Variants in UBE3A observed in about 807,000 individuals in gnomAD.
The protein encoded by UBE3A is ubiquitin-protein ligase E3A.
A neutral mutation model predicts 83.4 loss-of-function variants in UBE3A; 6 were observed. The ratio of observed to expected loss-of-function variants is 0.07; its 90% confidence interval spans 0.04 to 0.14. The LOEUF (loss-of-function observed/expected upper bound fraction) is 0.14. Among genes scored for constraint, UBE3A ranks in the 10% least tolerant of loss-of-function variants. UBE3A has a pLI of 1.00. For synonymous variants in UBE3A, 337 were observed against 355.4 expected (o/e 0.95, Z 0.58); for missense variants, 456 against 1,036.1 (o/e 0.44, Z 7.69).
intron 6 of UBE3A, 127 bp from the exon 7 acceptor site, chr15:25,360,654 CAG>C (rs2077914583): frequency 9.5e-6 from 10 of 1,048,912 alleles, no homozygotes; most frequent in East Asian, 2.6e-5. Context: ...TAAATGGAAA[CAG>C]AAAGCAAACT....
chr15:25,341,351 A>C (rs866428734), intron 11 of UBE3A, among the ~76,000 whole-genome samples: 1 of 151,872 alleles, frequency 6.6e-6, no homozygotes, highest in Non-Finnish European at 1.5e-5. Flanking sequence ...GATTGCAGGC[A>C]TGAGCCACCG....
rs76794400 is a variant in UBE3A at position 25,339,138 on chromosome 15, T to C, written c.2618A>G (p.Ter873=). Reference sequence around the variant, plus strand: ...TGTTTTATTTTGTTTTGTTTTGTTTTACAGCATGCCAAATCCTTTGGCATA... The same window carrying C: ...TGTTTTATTTTGTTTTGTTTTGTTTCACAGCATGCCAAATCCTTTGGCATA... ...ITYAKGFGML[*] Residue 873 remains the stop codon, a stop_retained_variant, in exon 13 of 13, where the codon TAA becomes TGA. Transcript: ENST00000648336. The C allele has an allele frequency of 4.6e-3, 7,258 of 1,585,894 alleles. 24 individuals are homozygous for C. The highest frequency in any genetic ancestry group is 5.7e-3 in the Non-Finnish European group (6,653 of 1,167,870).
chr15:25,399,182 C>G (rs1263489735), intron 4 of UBE3A, among the ~76,000 whole-genome samples: 5 of 151,732 alleles, frequency 3.3e-5, no homozygotes, highest in African/African-American at 1.2e-4. Flanking sequence ...TTTCTTTTTG[C>G]CATGCAGAAG....
At chr15:25,375,283 T>C (rs569373339) in intron 5 of UBE3A, 182 bp downstream of exon 5, 7 of 667,356 alleles carry the variant, frequency 1.0e-5, no homozygotes, top group Non-Finnish European at 1.7e-5. Flanking sequence ...TGCTTCTAAT[T>C]AGCAATGATT....
At chr15:25,393,341 A>G (rs578140539) in intron 4 of UBE3A, among the ~76,000 whole-genome samples, 1 of 152,348 alleles carries the variant, frequency 6.6e-6, no homozygotes, top group South Asian at 2.1e-4. Context: ...AGCGTTCATC[A>G]GCATTTAGTA....
chr15:25,433,340 C>T (rs550268895), intron 1 of UBE3A, among the ~76,000 whole-genome samples: 6 of 152,176 alleles, frequency 3.9e-5, no homozygotes, highest in Admixed American at 1.3e-4. Flanking sequence ...TGCGCCACCA[C>T]GTCCGGCTAA....
intron 6 of UBE3A, among the ~76,000 whole-genome samples, chr15:25,367,987 G>C (rs1229402107): frequency 2.0e-5 from 3 of 151,962 alleles, no homozygotes; most frequent in Admixed American, 1.3e-4. Flanking sequence ...TTAAAGCCTA[G>C]GATCCCATAA....
chr15:25,436,878 G>C (rs1460398953), intron 1 of UBE3A, among the ~76,000 whole-genome samples: 1 of 152,096 alleles, frequency 6.6e-6, no homozygotes, highest in Non-Finnish European at 1.5e-5. Context: ...TCAGGGACAG[G>C]GGCAATGTCC....
Position 25,370,550 on chromosome 15 carries a change from T to G in UBE3A, c.1608+16A>C, listed in dbSNP as rs754336508. 6 of 1,614,096 alleles carry G rather than the reference T, an allele frequency of 3.7e-6. No homozygotes were observed. The highest frequency in any genetic ancestry group is 5.1e-6 in the Non-Finnish European group (6 of 1,179,954). ...TATCCCCATTATTAGGTTTTTAATC[T>G]AGCAGCCCAACTTACCCGGACAAGT... On this transcript the variant is annotated intron_variant, in intron 6 of 12. Coordinates refer to ENST00000648336, the MANE Select transcript of UBE3A (RefSeq NM_130839.5). The surrounding 1 kb of genome is among the most constrained non-coding windows in gnomAD (Gnocchi z 4.2).
chr15:25,356,203 G>A (rs1333966265), intron 8 of UBE3A, 147 bp from the exon 9 acceptor site: 2 of 958,206 alleles, frequency 2.1e-6, no homozygotes, highest in Non-Finnish European at 1.6e-6. Flanking sequence ...CCCCCAAATA[G>A]TTTCCAACCT....
chr15:25,344,383 CA>C (rs1361046486), intron 11 of UBE3A, among the ~76,000 whole-genome samples: 1 of 152,052 alleles, frequency 6.6e-6, no homozygotes, highest in Non-Finnish European at 1.5e-5. Context: ...CAGTAACGTT[CA>C]AAAGCAAAGG....
In UBE3A at chr15:25,337,693, A is replaced by AATC. The variant is rs911819269; in HGVS notation, c.*1441_*1443dup. 4.6e-5 allele frequency: 7 copies of AATC among 152,152 alleles called. No individual in the cohort carries two copies. The highest frequency in any genetic ancestry group is 1.7e-4 in the African/African-American group (7 of 41,436). The allele number at this position is 152,152 out of a possible 1,614,324, so 9.4% of individuals were successfully genotyped here. A position where few individuals can be genotyped will look rare whatever the true frequency, so the allele number is the denominator to read the frequency against. On this transcript the variant is annotated 3_prime_UTR_variant, in exon 13 of 13. Transcript: ENST00000648336. ...AATCAGTTAAAACAATCAGTCAATCAATCAATCAATCACCAAGGCACAAGC... is the reference window on the plus strand; with the variant it reads ...AATCAGTTAAAACAATCAGTCAATCAATCATCAATCAATCACCAAGGCACAAGC...
At chr15:25,381,850 T>C (rs765063868) in intron 4 of UBE3A, among the ~76,000 whole-genome samples, 1 of 152,194 alleles carries the variant, frequency 6.6e-6, no homozygotes, top group African/African-American at 2.4e-5. Context: ...TCTGTTACAA[T>C]GGGATGAAGT....
intron 2 of UBE3A, among the ~76,000 whole-genome samples, chr15:25,411,316 G>T (rs752422485): frequency 2.1e-4 from 32 of 152,260 alleles, no homozygotes; most frequent in Non-Finnish European, 1.0e-4. Flanking sequence ...ATGGCTGGGC[G>T]TGGTGGCTAA....
chr15:25,387,287 T>C (rs1358863586), intron 4 of UBE3A, among the ~76,000 whole-genome samples: 14 of 152,296 alleles, frequency 9.2e-5, no homozygotes, highest in Admixed American at 5.2e-4. Flanking sequence ...TTTGGGAGGC[T>C]GAGGCGGGTG....
intron 4 of UBE3A, among the ~76,000 whole-genome samples, chr15:25,396,445 A>AAAAC (rs1246004620): frequency 4.0e-5 from 6 of 151,756 alleles, no homozygotes; most frequent in Non-Finnish European, 8.8e-5. Context: ...GTCTCTACAA[A>AAAAC]AAACAAACAA....
chr15:25,394,365 C>A (rs574410201), intron 4 of UBE3A, among the ~76,000 whole-genome samples: 72 of 152,178 alleles, frequency 4.7e-4, no homozygotes, highest in African/African-American at 1.7e-3. Flanking sequence ...CTCCTGGTTT[C>A]GAGTATACTG....
intron 9 of UBE3A, among the ~76,000 whole-genome samples, chr15:25,355,106 T>C (rs2077044602): frequency 1.3e-5 from 2 of 152,184 alleles, no homozygotes; most frequent in South Asian, 4.1e-4. Context: ...CAACTAGGTA[T>C]GTAAACAGAC....
At chr15:25,382,008 G>A (rs562492588) in intron 4 of UBE3A, among the ~76,000 whole-genome samples, 152 of 152,294 alleles carry the variant, frequency 1.0e-3, no homozygotes, top group African/African-American at 3.5e-3. Flanking sequence ...TGAAATATAG[G>A]TTAACCTTCA....
Sources: allele counts gnomAD v4.1 joint callset (sites outside exome capture counted in the v4.1 genomes callset), GRCh38; gene constraint gnomAD v4.1.1; non-coding constraint Gnocchi (gnomAD v3.1); transcripts MANE v1.5; gene names NCBI Gene and HGNC (gene_info 2026-07-23, HGNC 2026-07-21).